ARVCF: variants seen among roughly 807,000 people sequenced by gnomAD.
The protein encoded by ARVCF is splicing regulator ARVCF.
Under a neutral mutation model 90.9 loss-of-function variants are expected in ARVCF, and 66 were observed. The observed-to-expected ratio is 0.73, with a 90% CI of 0.60 to 0.89. The LOEUF (loss-of-function observed/expected upper bound fraction) is 0.89, where lower values mean the gene tolerates loss of function less well. Ranked by LOEUF, ARVCF falls within the 40% of genes least tolerant of loss-of-function variation. The pLI, the probability that ARVCF is intolerant of heterozygous loss-of-function variation, is 0.00. For missense variants in ARVCF, 1,469 were observed against 1,382.3 expected (o/e 1.06, Z -1.00); for synonymous variants, 653 against 603.4 (o/e 1.08, Z -1.21).
At chr22:20,012,734 C>T (rs1004217462) in intron 1 of ARVCF, among the ~76,000 whole-genome samples, 2 of 152,284 alleles carry the variant, frequency 1.3e-5, no homozygotes, top group Non-Finnish European at 2.9e-5. Flanking sequence ...CTACACCCCA[C>T]TGATGCCCTA....
At chr22:19,978,802 C>T (rs150842244) in intron 7 of ARVCF, 95 bp downstream of exon 7, 12 of 1,424,030 alleles carry the variant, frequency 8.4e-6, no homozygotes, top group Non-Finnish European at 9.4e-6. Context: ...TAAGCTCTGG[C>T]GCTCCTAAGC....
At chr22:19,979,552 T>C in intron 6 of ARVCF, 191 bp downstream of exon 6, 1 of 874,996 alleles carries the variant, frequency 1.1e-6, no homozygotes, top group Non-Finnish European at 1.7e-6. Flanking sequence ...CCTGCTATGG[T>C]AGAGACTGGG....
At chr22:19,982,371 T>C (rs1291959117) in intron 3 of ARVCF, among the ~76,000 whole-genome samples, 1 of 152,148 alleles carries the variant, frequency 6.6e-6, no homozygotes, top group African/African-American at 2.4e-5. Context: ...CTCCTCAGGC[T>C]GAGTTGGCAG....
chr22:19,968,459 A>G (rs544568254), downstream of ARVCF: 2 of 1,422,066 alleles, frequency 1.4e-6, no homozygotes, highest in African/African-American at 1.4e-5. Context: ...CCTAGTGAGG[A>G]GCACCCATCC....
downstream of ARVCF, chr22:19,965,464 C>T (rs1942338293): frequency 6.6e-6 from 1 of 152,208 alleles, no homozygotes; most frequent in Non-Finnish European, 1.5e-5. Context: ...GCCTTAGCCT[C>T]CTGAGTAGCT....
At chr22:19,972,888 T>C (rs1195405616) in intron 15 of ARVCF, 37 bp downstream of exon 15, 6 of 1,613,570 alleles carry the variant, frequency 3.7e-6, no homozygotes, top group Non-Finnish European at 8.5e-7. Context: ...TAAGGCAAAG[T>C]GAGCAGGGAA....
Position 19,981,414 on chromosome 22 carries a change from G to A in ARVCF, c.693C>T (p.Gly231=). 1 of 1,578,182 alleles carries A rather than the reference G, an allele frequency of 6.3e-7. No homozygotes were observed. Among genetic ancestry groups the A allele is most frequent in the South Asian group, 1.1e-5 (1 of 87,934 alleles). The change falls in exon 5 of 20, where the codon GGC becomes GGT. Residue 231 remains glycine (G), a synonymous_variant. Transcript: ENST00000263207. ...GPGDGCFTLP[G]HREAFPVGPE... is the part of the protein sequence containing the mutation. ...GACCCACCGGGAAGGCTTCCCGGTG[G>A]CCAGGCAGTGTGAAGCAGCCATCAC... is the stretch of plus-strand genomic sequence containing the variant.
chr22:19,976,208 AG>A (rs1943144891), intron 10 of ARVCF, among the ~76,000 whole-genome samples: 1 of 152,194 alleles, frequency 6.6e-6, no homozygotes, highest in Non-Finnish European at 1.5e-5. Flanking sequence ...ACATTGTCCC[AG>A]GATCTACTAG....
chr22:19,980,963 G>A (rs1455362824), intron 5 of ARVCF: 8 of 498,674 alleles, frequency 1.6e-5, no homozygotes, highest in South Asian at 3.7e-5. Context: ...AGTGTGGCTG[G>A]AGCAAGGCCA....
intron 2 of ARVCF, among the ~76,000 whole-genome samples, chr22:20,005,075 A>G (rs1036831816): frequency 6.6e-6 from 1 of 152,234 alleles, no homozygotes; most frequent in African/African-American, 2.4e-5. Context: ...TCATCAAAGG[A>G]CACAATCAAT....
At position 19,974,136 on chromosome 22, in the gene ARVCF, C is replaced by G. The variant is rs535959125; in HGVS notation, c.2064G>C (p.Gln688His). The G allele has an allele frequency of 1.2e-5, 19 of 1,612,366 alleles. No homozygotes were observed. The African/African-American group carries it at 1.7e-4, about 15-fold the overall frequency. The change falls in exon 12 of 20, where the codon CAG (glutamine) becomes CAC (histidine). Residue 688 changes from glutamine to histidine, a missense_variant. By Grantham distance (24) the Gln-to-His change is conservative. Transcript: ENST00000263207. Reference protein sequence around the residue: ...NTLEAAAGALQNLSAGNWMWA... With the variant: ...NTLEAAAGALHNLSAGNWMWA... ...CCATCCAGTTGCCGGCACTGAGGTT[C>G]TGCAGAGCGCCGGCGGCAGCCTCCA... is the stretch of plus-strand genomic sequence containing the variant.
intron 10 of ARVCF, among the ~76,000 whole-genome samples, chr22:19,976,006 C>T (rs894162814): frequency 2.6e-5 from 4 of 152,086 alleles, no homozygotes; most frequent in African/African-American, 4.8e-5. Flanking sequence ...CCACCAGGTG[C>T]TGGGAGCTGT....
chr22:19,971,838 G>C (rs1410037403), intron 18 of ARVCF, 48 bp downstream of exon 18: 1 of 1,598,706 alleles, frequency 6.3e-7, no homozygotes, highest in South Asian at 1.1e-5. Context: ...GCAACCCCTA[G>C]ACACGGGGCC....
intron 2 of ARVCF, among the ~76,000 whole-genome samples, chr22:20,003,298 C>T (rs1322248476): frequency 1.3e-5 from 2 of 152,274 alleles, no homozygotes; most frequent in African/African-American, 4.8e-5. Context: ...AATTTTAACA[C>T]CAATCGTCCT....
chr22:20,013,064 G>A (rs1268456232), intron 1 of ARVCF, among the ~76,000 whole-genome samples: 3 of 152,268 alleles, frequency 2.0e-5, no homozygotes, highest in Non-Finnish European at 2.9e-5. Context: ...CTGACTGTAG[G>A]TAGCTGAGAA....
intron 2 of ARVCF, among the ~76,000 whole-genome samples, chr22:20,009,709 G>T (rs1417116494): frequency 6.6e-6 from 1 of 152,240 alleles, no homozygotes; most frequent in African/African-American, 2.4e-5. Context: ...GGTCCTGGGG[G>T]ACATGGACCA....
rs2073749 is a variant in ARVCF, at chr22:19,973,786, G to A, written c.2096C>T (p.Thr699Met). 6.2e-7 allele frequency: 1 copy of A among 1,605,002 alleles called. No individual in the cohort carries two copies. The highest frequency in any genetic ancestry group is 1.1e-5 in the South Asian group (1 of 91,028). The stretch of plus-strand genomic sequence containing the variant: ...TTTGCGCACTGTGGCGCGGATGTAC[G>A]TGGCCCACTGCGGAGGCGGGGAGAG... Reference protein sequence around the residue: ...NLSAGNWMWATYIRATVRKER... With the variant: ...NLSAGNWMWAMYIRATVRKER... The change falls in exon 13 of 20, where the codon ACG becomes ATG. Residue 699 changes from threonine to methionine, a missense_variant. By Grantham distance (81) the Thr-to-Met change is moderately conservative. Coordinates refer to ENST00000263207, the MANE Select transcript of ARVCF (RefSeq NM_001670.3).
intron 5 of ARVCF, 199 bp from the exon 6 acceptor site, chr22:19,980,441 G>A (rs189240080): frequency 5.3e-4 from 412 of 780,564 alleles, no homozygotes; most frequent in Non-Finnish European, 6.7e-4. Flanking sequence ...AGAGCCAAAT[G>A]CCAAACCCCA....
chr22:19,996,559 G>A (rs145927688), intron 2 of ARVCF, among the ~76,000 whole-genome samples: 5 of 152,274 alleles, frequency 3.3e-5, no homozygotes, highest in East Asian at 1.9e-4. Context: ...AAAGACAATC[G>A]ACATGTTGGG....
Sources: allele counts gnomAD v4.1 joint callset (sites outside exome capture counted in the v4.1 genomes callset), GRCh38; gene constraint gnomAD v4.1.1; transcripts MANE v1.5; gene names NCBI Gene and HGNC (gene_info 2026-07-23, HGNC 2026-07-21).